The following ZFPM1 variants were observed in gnomAD, a reference collection of about 807,000 sequenced individuals.
ZFPM1 encodes the protein zinc finger protein ZFPM1.
ZFPM1 carries 28 observed loss-of-function variants against 46.3 expected under a neutral mutation model. That is an observed-to-expected ratio of 0.60 (90% CI 0.45 to 0.83). The LOEUF is 0.83. ZFPM1 is among the 40% of genes least tolerant of loss of function. The probability of loss-of-function intolerance (pLI) is 0.00; values close to 1 mark genes in which losing one functional copy is unlikely to be tolerated. For synonymous variants in ZFPM1, 957 were observed against 675.9 expected (o/e 1.42, Z -6.45); for missense variants, 1,878 against 1,432.4 (o/e 1.31, Z -5.02).
At chr16:88,512,060 T>C (rs1910997423) in intron 3 of ZFPM1, among the ~76,000 whole-genome samples, 1 of 152,224 alleles carries the variant, frequency 6.6e-6, no homozygotes, top group African/African-American at 2.4e-5. Context: ...CAGCCCTCTC[T>C]GGCAGTGTGT....
intron 1 of ZFPM1, among the ~76,000 whole-genome samples, chr16:88,472,353 TC>T (rs771842749): frequency 9.3e-5 from 14 of 149,818 alleles, no homozygotes; most frequent in African/African-American, 2.2e-4. Context: ...GTTTGAATTT[TC>T]TTTTTTTTTT....
intron 2 of ZFPM1, among the ~76,000 whole-genome samples, chr16:88,487,637 C>T (rs779809910): frequency 1.1e-4 from 17 of 152,108 alleles, no homozygotes; most frequent in Non-Finnish European, 2.1e-4. Flanking sequence ...TCAGTGGGGA[C>T]CCCCACCCCA....
chr16:88,504,014 C>A (rs532247416), intron 3 of ZFPM1, among the ~76,000 whole-genome samples: 3 of 152,186 alleles, frequency 2.0e-5, no homozygotes, highest in Non-Finnish European at 2.9e-5. Flanking sequence ...GTGTCCATGG[C>A]TGCCCTCAGT....
Position 88,532,666 on chromosome 16 carries a change from C to A in ZFPM1, c.999C>A (p.Ala333=). The part of the protein sequence containing the change: ...LICLSAFTTK[A]NCERHLKVHT... ...GCCTGTCGGCCTTCACCACCAAGGC[C>A]AACTGCGAGCGGCACCTCAAGGTGC... Residue 333 remains alanine (A), a synonymous_variant, in exon 8 of 10, where the codon GCC becomes GCA. Coordinates refer to ENST00000319555, the MANE Select transcript of ZFPM1 (RefSeq NM_153813.3). The A allele has an allele frequency of 1.2e-6, 2 of 1,601,444 alleles. No individual in the cohort carries two copies. The highest frequency in any genetic ancestry group is 1.7e-6 in the Non-Finnish European group (2 of 1,174,236).
Position 88,526,799 on chromosome 16 carries a change from A to G in ZFPM1, c.403-15A>G. ...GACGGACCCCTCCCCACGTGTTCCT[A>G]CCCTCCCCCCCCAGAGCCCAGCCCT... On this transcript the variant is annotated splice_polypyrimidine_tract_variant and intron_variant, in intron 4 of 9. Coordinates refer to ENST00000319555, the MANE Select transcript of ZFPM1 (RefSeq NM_153813.3). 9.2e-6 allele frequency: 11 copies of G among 1,196,592 alleles called. No individual in the cohort carries two copies. The highest frequency in any genetic ancestry group is 1.2e-5 in the Non-Finnish European group (11 of 917,874). The allele number at this position is 1,196,592 out of a possible 1,614,324, so 74.1% of individuals were successfully genotyped here.
intron 3 of ZFPM1, among the ~76,000 whole-genome samples, chr16:88,509,469 C>CTT (rs1427771888): frequency 3.4e-4 from 52 of 152,322 alleles, no homozygotes; most frequent in South Asian, 6.2e-4. Flanking sequence ...GGAGGCTGGC[C>CTT]CCTGGAAGGC....
rs368953081 is a variant in ZFPM1, at chr16:88,489,140, C to T, written c.255C>T (p.Pro85=). 4.9e-5 allele frequency: 78 copies of T among 1,604,832 alleles called. 1 individual carries two copies. Among genetic ancestry groups the T allele is most frequent in the African/African-American group, 3.5e-4 (26 of 74,638 alleles). The change falls in exon 3 of 10, where the codon CCC becomes CCT. Residue 85 remains proline (P), a synonymous_variant. Transcript: ENST00000319555. ...PRPTEEEPGS[P]WSGPDELEPV... is the part of the protein sequence containing the mutation. ...CCACGGAGGAAGAGCCGGGCAGTCCCTGGAGCGGGCCAGGTAACCACGCGG... is the reference window on the plus strand; with the variant it reads ...CCACGGAGGAAGAGCCGGGCAGTCCTTGGAGCGGGCCAGGTAACCACGCGG...
intron 1 of ZFPM1, among the ~76,000 whole-genome samples, chr16:88,462,900 G>T (rs904792): frequency 1.3e-5 from 2 of 152,188 alleles, no homozygotes; most frequent in African/African-American, 4.8e-5. Flanking sequence ...CACCCAACAC[G>T]GGAGGTGCAG....
chr16:88,529,135 C>A (rs1912579021), intron 6 of ZFPM1, among the ~76,000 whole-genome samples: 1 of 152,178 alleles, frequency 6.6e-6, no homozygotes, highest in Non-Finnish European at 1.5e-5. Flanking sequence ...GAAAAATGAG[C>A]CGAGGGTGAT....
At chr16:88,519,114 ATGGATGGATGGATGGG>A (rs1304694162) in intron 4 of ZFPM1, among the ~76,000 whole-genome samples, 3 of 113,032 alleles carry the variant, frequency 2.7e-5, no homozygotes, top group African/African-American at 3.6e-5. Flanking sequence ...GGATGGGTGG[ATGGATGGATGGATGGG>A]TGGATGGATG....
intron 1 of ZFPM1, among the ~76,000 whole-genome samples, chr16:88,475,619 A>G (rs1024390358): frequency 4.6e-5 from 7 of 152,110 alleles, no homozygotes; most frequent in Non-Finnish European, 8.8e-5. Flanking sequence ...CCCCAAGGAC[A>G]ACGCCGGGTA....
At chr16:88,495,223 T>C (rs1055589076) in intron 3 of ZFPM1, among the ~76,000 whole-genome samples, 2 of 152,212 alleles carry the variant, frequency 1.3e-5, no homozygotes, top group African/African-American at 4.8e-5. Flanking sequence ...TCACGGGCCC[T>C]GTGTGGTCGT....
In ZFPM1 at chr16:88,531,765, G is replaced by T. The variant is rs77744443; in HGVS notation, c.713-237G>T. Among the ~76,000 whole-genome samples, 22 of 152,302 alleles carry T rather than the reference G, an allele frequency of 1.4e-4. No individual in the cohort carries two copies. The East Asian group carries it at 4.1e-3, about 28-fold the overall frequency. On this transcript the variant is annotated intron_variant, in intron 6 of 9. Transcript: ENST00000319555. ...TCACCATTGGAAGGGGACCCATAGGGGTTCACTCAGACCCCACTCCCCACG... is the reference window on the plus strand; with the variant it reads ...TCACCATTGGAAGGGGACCCATAGGTGTTCACTCAGACCCCACTCCCCACG...
chr16:88,504,254 A>G (rs780203187), intron 3 of ZFPM1, among the ~76,000 whole-genome samples: 1 of 152,096 alleles, frequency 6.6e-6, no homozygotes, highest in Non-Finnish European at 1.5e-5. Context: ...CAGATAAGGT[A>G]AAGAAAATAT....
At chr16:88,496,512 C>T (rs11648510) in intron 3 of ZFPM1, among the ~76,000 whole-genome samples, 27,514 of 151,906 alleles carry the variant, frequency 0.18, 2,800 homozygotes, top group East Asian at 0.28. Context: ...GAAGCTGGGC[C>T]TTTGGTGGAG....
At chr16:88,461,053 C>CCCTGGTGATGACCGAGGGGCGGGAGG (rs1907829144) in intron 1 of ZFPM1, among the ~76,000 whole-genome samples, 2 of 57,108 alleles carry the variant, frequency 3.5e-5, no homozygotes, top group South Asian at 1.1e-3. Context: ...GGGCGGGAGG[C>CCCTGGTGATGACCGAGGGGCGGGAGG]CCTGGTGAGG....
intron 4 of ZFPM1, among the ~76,000 whole-genome samples, chr16:88,523,116 G>A (rs1912027370): frequency 6.6e-6 from 1 of 151,508 alleles, no homozygotes. Flanking sequence ...TGAGGCAGGA[G>A]AATTGCTTGA....
chr16:88,494,191 G>A (rs1157296798), intron 3 of ZFPM1, among the ~76,000 whole-genome samples: 1 of 152,176 alleles, frequency 6.6e-6, no homozygotes, highest in Non-Finnish European at 1.5e-5. Context: ...GGTGCGGGCA[G>A]GTTCTACGGG....
intron 1 of ZFPM1, among the ~76,000 whole-genome samples, chr16:88,461,901 T>C (rs961607820): frequency 2.6e-5 from 4 of 152,178 alleles, no homozygotes; most frequent in Admixed American, 6.5e-5. Flanking sequence ...GCGTGACATG[T>C]GTGAGGTTAT....
Sources: gnomAD v4.1 joint callset for allele counts (sites outside exome capture counted in the v4.1 genomes callset) on GRCh38, gnomAD v4.1.1 for gene constraint, MANE v1.5 for transcripts, NCBI Gene and HGNC (gene_info 2026-07-23, HGNC 2026-07-21) for gene names.